ZC3H18: variants seen among roughly 807,000 people sequenced by gnomAD.
ZC3H18 encodes the protein zinc finger CCCH-type containing 18, also known as zinc finger CCCH domain-containing protein 18.
In ZC3H18, 8 loss-of-function variants were observed where a neutral mutation model predicts 106.1. The observed-to-expected ratio is 0.08, with a 90% CI of 0.04 to 0.14. The LOEUF is 0.14. Among genes scored for constraint, ZC3H18 ranks in the 10% least tolerant of loss-of-function variants. ZC3H18 has a pLI of 1.00. For synonymous variants in ZC3H18, 635 were observed against 522.1 expected (o/e 1.22, Z -2.95); for missense variants, 1,318 against 1,278.4 (o/e 1.03, Z -0.47).
intron 3 of ZC3H18, among the ~76,000 whole-genome samples, chr16:88,592,645 T>C (rs1259348206): frequency 6.6e-6 from 1 of 152,138 alleles, no homozygotes; most frequent in Non-Finnish European, 1.5e-5. Context: ...TGGCTAATTT[T>C]TGTATTTTAG....
At chr16:88,586,819 T>G (rs1597327205) in intron 3 of ZC3H18, 135 bp downstream of exon 3, 8 of 583,050 alleles carry the variant, frequency 1.4e-5, no homozygotes, top group Non-Finnish European at 1.9e-5. Context: ...GTGGTGGTGG[T>G]GGTGGTGGTG....
chr16:88,609,699 A>T (rs961388871), intron 7 of ZC3H18, among the ~76,000 whole-genome samples: 4 of 152,026 alleles, frequency 2.6e-5, no homozygotes, highest in Admixed American at 1.3e-4. Context: ...TCCCAGATTC[A>T]AGCAATTCTC....
Position 88,577,306 on chromosome 16 carries a change from G to A in ZC3H18, c.183G>A (p.Glu61=), listed in dbSNP as rs775016918. The change falls in exon 2 of 18, where the codon GAG becomes GAA. Residue 61 remains glutamate, a synonymous_variant. Transcript: ENST00000301011. The stretch of plus-strand genomic sequence containing the variant: ...GTGCAGCCAGGGGGCCGAGCCAGGA[G>A]GAGGAAGATAATCACTCCGACGAGG... ...EESAARGPSQ[E]EEDNHSDEED... is the part of the protein sequence containing the mutation. The A allele has an allele frequency of 2.5e-6, 4 of 1,612,442 alleles. No individual in the cohort carries two copies. In the East Asian group the frequency reaches 6.7e-5, roughly 27 times the overall value.
chr16:88,591,902 G>GT (rs1432234405), intron 3 of ZC3H18, among the ~76,000 whole-genome samples: 3 of 152,150 alleles, frequency 2.0e-5, no homozygotes, highest in Non-Finnish European at 2.9e-5. Context: ...GTGGTTGTGT[G>GT]TTTCATCTTT....
intron 6 of ZC3H18, among the ~76,000 whole-genome samples, chr16:88,600,478 T>A (rs1166874979): frequency 2.6e-5 from 4 of 152,190 alleles, no homozygotes; most frequent in African/African-American, 9.7e-5. Context: ...AGTTGCGCAA[T>A]CTTGGCTCAC....
chr16:88,609,605 G>A (rs1438046956), intron 7 of ZC3H18, among the ~76,000 whole-genome samples: 1 of 148,908 alleles, frequency 6.7e-6, no homozygotes, highest in Non-Finnish European at 1.5e-5. Flanking sequence ...CCCGGCCTGG[G>A]TTGTTTGTTT....
intron 2 of ZC3H18, among the ~76,000 whole-genome samples, chr16:88,580,822 G>A (rs1390788535): frequency 6.6e-6 from 1 of 152,156 alleles, no homozygotes; most frequent in East Asian, 1.9e-4. Flanking sequence ...GGTGCAAAGT[G>A]TCCGTTCTAG....
chr16:88,610,775 T>C (rs1905232848), intron 7 of ZC3H18, among the ~76,000 whole-genome samples: 2 of 152,258 alleles, frequency 1.3e-5, no homozygotes, highest in Admixed American at 6.5e-5. Context: ...AGGCAGGGCA[T>C]GTGCTCTGCT....
At chr16:88,611,623 C>T (rs9674179) in intron 8 of ZC3H18, 87 bp downstream of exon 8, 134,343 of 1,480,686 alleles carry the variant, frequency 0.091, 6,686 homozygotes, top group Non-Finnish European at 0.1. Flanking sequence ...CGCTTCCCCT[C>T]TGTGGCCCAC....
chr16:88,620,837 G>C (rs966988455), intron 8 of ZC3H18, among the ~76,000 whole-genome samples: 1 of 151,934 alleles, frequency 6.6e-6, no homozygotes, highest in African/African-American at 2.4e-5. Context: ...TATATATAAG[G>C]GGTCAGTTTA....
chr16:88,587,890 T>C (rs551210241), intron 3 of ZC3H18, among the ~76,000 whole-genome samples: 1 of 152,282 alleles, frequency 6.6e-6, no homozygotes, highest in East Asian at 1.9e-4. Context: ...GTGCAAGAGA[T>C]GACCTGATGA....
Position 88,577,772 on chromosome 16 carries a change from C to T in ZC3H18, c.603+46C>T, listed in dbSNP as rs561399251. The stretch of plus-strand genomic sequence containing the variant: ...CGTCGCGGGGCATCCTGCCCAGCAG[C>T]CTGACATAGACTGGTGCTGGAAAGG... On this transcript the variant is annotated intron_variant, in intron 2 of 17. Transcript: ENST00000301011. 1.9e-6 allele frequency: 3 copies of T among 1,611,428 alleles called. No homozygotes were observed. In the Admixed American group the frequency reaches 5.0e-5, roughly 27 times the overall value.
At chr16:88,573,703 C>G (rs1185492407) in intron 1 of ZC3H18, among the ~76,000 whole-genome samples, 1 of 151,976 alleles carries the variant, frequency 6.6e-6, no homozygotes, top group African/African-American at 2.4e-5. Flanking sequence ...CATGCCACCA[C>G]TCCTGGCTTA....
chr16:88,598,790 C>T (rs1442118080), intron 5 of ZC3H18, 78 bp downstream of exon 5: 13 of 1,381,904 alleles, frequency 9.4e-6, no homozygotes, highest in Admixed American at 7.9e-5. Context: ...GGGATTTCCT[C>T]GGTCCAGAGA....
At chr16:88,570,785 C>T (rs1488502655) in intron 1 of ZC3H18, among the ~76,000 whole-genome samples, 1 of 152,096 alleles carries the variant, frequency 6.6e-6, no homozygotes, top group Non-Finnish European at 1.5e-5. Context: ...CCCCGCGGTC[C>T]TGGGGCGCCC....
chr16:88,577,793 A>C (rs1341043588), intron 2 of ZC3H18, 67 bp downstream of exon 2: 2 of 1,609,110 alleles, frequency 1.2e-6, no homozygotes, highest in Non-Finnish European at 1.7e-6. Context: ...CTGGTGCTGG[A>C]AAGGAGGGAC....
At chr16:88,620,296 A>G (rs1436431705) in intron 8 of ZC3H18, among the ~76,000 whole-genome samples, 2 of 152,218 alleles carry the variant, frequency 1.3e-5, no homozygotes, top group African/African-American at 4.8e-5. Flanking sequence ...GCTTTTTAAA[A>G]TGTGTTTGCA....
rs1906681376 is a variant in ZC3H18, at chr16:88,631,339, G to T, written c.*40G>T. ...GGACTGGACGCATTTTTATACATAG[G>T]GTAAGCGCAGCCATTTTGGATTTTG... is the stretch of plus-strand genomic sequence containing the variant. On this transcript the variant is annotated 3_prime_UTR_variant, in exon 18 of 18. Transcript: ENST00000301011. The T allele has an allele frequency of 6.4e-7, 1 of 1,551,140 alleles. No homozygotes were observed. The highest frequency in any genetic ancestry group is 8.7e-7 in the Non-Finnish European group (1 of 1,146,832).
intron 16 of ZC3H18, among the ~76,000 whole-genome samples, chr16:88,629,143 G>A (rs907558935): frequency 6.6e-5 from 10 of 152,108 alleles, no homozygotes; most frequent in African/African-American, 1.4e-4. Context: ...GTTCCAGACC[G>A]GCCTGGCCAA....
Sources: allele counts gnomAD v4.1 joint callset (sites outside exome capture counted in the v4.1 genomes callset), GRCh38; gene constraint gnomAD v4.1.1; transcripts MANE v1.5; gene names NCBI Gene and HGNC (gene_info 2026-07-23, HGNC 2026-07-21).